The following KLHDC2 variants were observed in gnomAD, a reference collection of about 807,000 sequenced individuals.
KLHDC2 encodes kelch domain-containing protein 2.
In KLHDC2, 38 loss-of-function variants were observed where a neutral mutation model predicts 62.3. That is an observed-to-expected ratio of 0.61 (90% CI 0.47 to 0.80). The LOEUF (loss-of-function observed/expected upper bound fraction) is 0.80. Ranked by LOEUF, KLHDC2 falls within the 30% of genes least tolerant of loss-of-function variation. The pLI, the probability that KLHDC2 is intolerant of heterozygous loss-of-function variation, is 0.00. For missense variants in KLHDC2, 430 were observed against 495.3 expected, an observed-to-expected ratio of 0.87 and a Z score of 1.25; for synonymous variants, 159 against 161.0, an observed-to-expected ratio of 0.99 and a Z score of 0.09.
At chr14:49,779,268 A>T (rs1165398590) in intron 6 of KLHDC2, among the ~76,000 whole-genome samples, 1 of 152,252 alleles carries the variant, frequency 6.6e-6, no homozygotes, top group Non-Finnish European at 1.5e-5. Flanking sequence ...CTTAAATATT[A>T]GATTTCTTTT....
rs1479183131 is a variant in KLHDC2, at chr14:49,785,027, G to A, written c.*2074G>A. The A allele has an allele frequency of 6.2e-7, 1 of 1,608,950 alleles. No individual in the cohort carries two copies. The highest frequency in any genetic ancestry group is 1.1e-5 in the South Asian group (1 of 90,950). On this transcript the variant is annotated 3_prime_UTR_variant, in exon 13 of 13. Coordinates refer to ENST00000298307, the MANE Select transcript of KLHDC2 (RefSeq NM_014315.3). ...CAGCTGTAAATACAAAAAAGAGTAA[G>A]AATAATCTACTGTTAAGTCACTGAA...
In KLHDC2 at chr14:49,783,820, G is replaced by GAATT. The variant is rs2139809913; in HGVS notation, c.*869_*872dup. 6.6e-6 allele frequency: 1 copy of GAATT among 152,202 alleles called. No homozygotes were observed. The highest frequency in any genetic ancestry group is 2.4e-5 in the African/African-American group (1 of 41,532). 9.4% of individuals were successfully genotyped at this position (152,202 alleles called of 1,614,324 possible). ...TAGAAATGATTAAGCTGAGTCATGAGAATTATTACTTATATTTTACATTTT... is the reference window on the plus strand; with the variant it reads ...TAGAAATGATTAAGCTGAGTCATGAGAATTAATTATTACTTATATTTTACATTTT... On this transcript the variant is annotated 3_prime_UTR_variant, in exon 13 of 13. Transcript: ENST00000298307.
intron 3 of KLHDC2, among the ~76,000 whole-genome samples, chr14:49,775,958 G>C (rs899308798): frequency 1.3e-5 from 2 of 152,038 alleles, no homozygotes; most frequent in African/African-American, 4.8e-5. Context: ...ATTCCAAGTG[G>C]ATGGAATATG....
At position 49,777,911 on chromosome 14, in the gene KLHDC2, C is replaced by CCAT. The variant is rs1440267660; in HGVS notation, c.430_432dup (p.Ser144dup). The CCAT allele has an allele frequency of 3.7e-6, 6 of 1,612,252 alleles. No individual in the cohort carries two copies. The Admixed American group carries it at 5.0e-5, about 13-fold the overall frequency. On this transcript the variant is annotated inframe_insertion, in exon 4 of 13. Coordinates refer to ENST00000298307, the MANE Select transcript of KLHDC2 (RefSeq NM_014315.3). ...AAGAATTGATTGCCAAGGAATTCCT[C>CCAT]CATCATCAAAGGACAAACTTGGTGT... is the stretch of plus-strand genomic sequence containing the variant.
Position 49,784,896 on chromosome 14 carries a change from C to T in KLHDC2, c.*1943C>T. On this transcript the variant is annotated 3_prime_UTR_variant, in exon 13 of 13. Transcript: ENST00000298307. The stretch of plus-strand genomic sequence containing the variant: ...CATTTTAAATTGTACTGTCAGTCTC[C>T]ACATTCCTTTTCTGAAGGAGAACTT... 2 of 1,578,694 alleles carry T rather than the reference C, an allele frequency of 1.3e-6. No individual in the cohort carries two copies. The highest frequency in any genetic ancestry group is 1.7e-6 in the Non-Finnish European group (2 of 1,149,294).
Position 49,784,110 on chromosome 14 carries a change from T to C in KLHDC2, c.*1157T>C, listed in dbSNP as rs993097410. 2.6e-5 allele frequency: 4 copies of C among 151,688 alleles called. No individual in the cohort carries two copies. Among genetic ancestry groups the C allele is most frequent in the Middle Eastern group, 7.1e-3 (2 of 280 alleles). 9.4% of individuals were successfully genotyped at this position (151,688 alleles called of 1,614,324 possible). A position where few individuals can be genotyped will look rare whatever the true frequency, so the allele number is the denominator to read the frequency against. The stretch of plus-strand genomic sequence containing the variant: ...AGAAAATGTAGAATAACTACAGATG[T>C]ATATAATTAGCATTTAACTGTCCAC... On this transcript the variant is annotated 3_prime_UTR_variant, in exon 13 of 13. Coordinates refer to ENST00000298307, the MANE Select transcript of KLHDC2 (RefSeq NM_014315.3).
At chr14:49,777,768 A>G in intron 3 of KLHDC2, 71 bp from the exon 4 acceptor site, 1 of 811,532 alleles carries the variant, frequency 1.2e-6, no homozygotes, top group South Asian at 1.7e-5. Flanking sequence ...CATAAATCAT[A>G]GTAAAATTAA....
chr14:49,779,962 T>C, intron 8 of KLHDC2, 156 bp downstream of exon 8: 1 of 644,288 alleles, frequency 1.6e-6, no homozygotes, highest in Non-Finnish European at 2.7e-6. Context: ...TTTATTTTTG[T>C]GTTTCCAGTT....
chr14:49,786,010 G>A lies in KLHDC2; in HGVS notation c.*3057G>A, dbSNP rs1262355428. 2.0e-5 allele frequency: 3 copies of A among 152,672 alleles called. No homozygotes were observed. Among genetic ancestry groups the A allele is most frequent in the South Asian group, 2.1e-4 (1 of 4,836 alleles). The allele number at this position is 152,672 out of a possible 1,614,324, so 9.5% of individuals were successfully genotyped here. A position where few individuals can be genotyped will look rare whatever the true frequency, so the allele number is the denominator to read the frequency against. On this transcript the variant is annotated 3_prime_UTR_variant, in exon 13 of 13. Transcript: ENST00000298307. ...TTTAAGTCCTATCACATGGAAATGG[G>A]ACTAATACCTTGGCTATACCACTAT...
intron 9 of KLHDC2, 68 bp downstream of exon 9, chr14:49,780,390 T>G: frequency 9.3e-7 from 1 of 1,070,814 alleles, no homozygotes; most frequent in East Asian, 2.4e-5. Flanking sequence ...TGAAAATGAG[T>G]CTATTAGAGA....
In KLHDC2 at chr14:49,784,616, A is replaced by ATT; in HGVS notation, c.*1666_*1667dup. The stretch of plus-strand genomic sequence containing the variant: ...GCTATAAAATTGGCTCTTCTCAAAT[A>ATT]TTTTAGAATTTCATTTCAGCTATTT... On this transcript the variant is annotated 3_prime_UTR_variant, in exon 13 of 13. Transcript: ENST00000298307. The ATT allele has an allele frequency of 6.3e-7, 1 of 1,575,790 alleles. No individual in the cohort carries two copies. Among genetic ancestry groups the ATT allele is most frequent in the East Asian group, 2.2e-5 (1 of 44,594 alleles).
chr14:49,771,672 TG>T lies in KLHDC2; in HGVS notation c.233+1del. On this transcript the variant is annotated frameshift_variant and splice_region_variant, in exon 2 of 13. Coordinates refer to ENST00000298307, the MANE Select transcript of KLHDC2 (RefSeq NM_014315.3). LOFTEE classifies it high-confidence loss of function. The stretch of plus-strand genomic sequence containing the variant: ...GATCTACAACATGGAGACTGGAAGA[TG>T]GTAAATGTGGATATTATAAGGGGGA... ...LWIYNMETGR[W>X]KKINTEGDVP... 6.9e-7 allele frequency: 1 copy of T among 1,444,450 alleles called. No homozygotes were observed. Among genetic ancestry groups the T allele is most frequent in the Non-Finnish European group, 9.7e-7 (1 of 1,025,794 alleles). The allele number at this position is 1,444,450 out of a possible 1,614,324, so 89.5% of individuals were successfully genotyped here. A position where few individuals can be genotyped will look rare whatever the true frequency, so the allele number is the denominator to read the frequency against.
chr14:49,779,209 T>C lies in KLHDC2; in HGVS notation c.634-386T>C, dbSNP rs752272646. ...ATATTTTGGATTTTCCGATTACAGA[T>C]ACTCAAACTGTAATTAAATAACTCT... On this transcript the variant is annotated intron_variant, in intron 6 of 12. Transcript: ENST00000298307. Among the ~76,000 whole-genome samples, 36 of 152,230 alleles carry C rather than the reference T, an allele frequency of 2.4e-4. 1 individual carries two copies. The highest frequency in any genetic ancestry group is 8.8e-5 in the Non-Finnish European group (6 of 68,052).
chr14:49,768,759 G>A, intron 1 of KLHDC2, 138 bp downstream of exon 1: 3 of 772,538 alleles, frequency 3.9e-6, no homozygotes, highest in Non-Finnish European at 5.7e-6. Context: ...GACTCTGCCC[G>A]TTGGTTGTTT....
chr14:49,775,374 C>G lies in KLHDC2; in HGVS notation c.351+696C>G, dbSNP rs186187275. 4.6e-5 allele frequency among the ~76,000 whole-genome samples: 7 copies of G among 152,290 alleles called. No individual in the cohort carries two copies. In the East Asian group the frequency reaches 1.3e-3, roughly 29 times the overall value. ...ATGATATAGTTCTCACCTCCTGGAA[C>G]TCACATTCTAGAAGGGACACATATA... On this transcript the variant is annotated intron_variant, in intron 3 of 12. Coordinates refer to ENST00000298307, the MANE Select transcript of KLHDC2 (RefSeq NM_014315.3).
chr14:49,773,720 G>T (rs1269517735), intron 2 of KLHDC2, among the ~76,000 whole-genome samples: 2 of 151,542 alleles, frequency 1.3e-5, no homozygotes, highest in East Asian at 2.0e-4. Context: ...GGGACTACAG[G>T]CGCCCGCCAC....
chr14:49,774,915 T>G, intron 3 of KLHDC2: 1 of 455,064 alleles, frequency 2.2e-6, no homozygotes, highest in Non-Finnish European at 3.9e-6. Flanking sequence ...TGGGTGGTTT[T>G]TCTTTGTGCT....
At chr14:49,774,755 T>C in intron 3 of KLHDC2, 77 bp downstream of exon 3, 2 of 874,294 alleles carry the variant, frequency 2.3e-6, no homozygotes, top group South Asian at 2.7e-5. Flanking sequence ...TTTCTAAGGT[T>C]AGCCCCAGAC....
intron 8 of KLHDC2, 141 bp downstream of exon 8, chr14:49,779,947 T>A (rs1889853585): frequency 1.5e-6 from 1 of 665,038 alleles, no homozygotes; most frequent in Non-Finnish European, 2.6e-6. Context: ...CCTTAAGGAA[T>A]GAATTTTATT....
Sources: gnomAD v4.1 joint callset for allele counts (sites outside exome capture counted in the v4.1 genomes callset) on GRCh38, gnomAD v4.1.1 for gene constraint, MANE v1.5 for transcripts, NCBI Gene and HGNC (gene_info 2026-07-23, HGNC 2026-07-21) for gene names.